NRXN3: variants seen among roughly 807,000 people sequenced by gnomAD.
NRXN3 encodes neurexin 3.
NRXN3 carries 32 observed loss-of-function variants against 137.6 expected under a neutral mutation model. That is an observed-to-expected ratio of 0.23 (90% CI 0.18 to 0.31). NRXN3 has a LOEUF of 0.31. Among genes scored for constraint, NRXN3 ranks in the 10% least tolerant of loss-of-function variants. The pLI is 1.00. For synonymous variants in NRXN3, 798 were observed against 784.5 expected (o/e 1.02, Z -0.29); for missense variants, 1,574 against 2,062.5 (o/e 0.76, Z 4.59).
At chr14:79,845,674 G>A (rs1009328721) in intron 20 of NRXN3, among the ~76,000 whole-genome samples, 4 of 139,394 alleles carry the variant, frequency 2.9e-5, no homozygotes, top group Admixed American at 2.8e-4. Flanking sequence ...GAGAGACGGA[G>A]ACGGGGAGAG....
At chr14:78,593,004 G>A (rs1031989668) in intron 4 of NRXN3, among the ~76,000 whole-genome samples, 2 of 152,154 alleles carry the variant, frequency 1.3e-5, no homozygotes, top group African/African-American at 2.4e-5. Flanking sequence ...TCATTTGTGC[G>A]CACAGGCACT....
intron 4 of NRXN3, among the ~76,000 whole-genome samples, chr14:78,385,676 C>T (rs145518015): frequency 5.4e-4 from 82 of 152,290 alleles, no homozygotes; most frequent in African/African-American, 1.8e-3. Context: ...TTTTGGATGA[C>T]GTTTGGCTTA....
At chr14:79,279,127 A>G (rs1453149993) in intron 15 of NRXN3, among the ~76,000 whole-genome samples, 2 of 152,048 alleles carry the variant, frequency 1.3e-5, no homozygotes, top group Non-Finnish European at 2.9e-5. Context: ...GGTGTCACAC[A>G]CGCGCGCACA....
chr14:78,846,885 CTG>C (rs1436113367), intron 10 of NRXN3, among the ~76,000 whole-genome samples: 2 of 152,108 alleles, frequency 1.3e-5, no homozygotes, highest in African/African-American at 4.8e-5. Flanking sequence ...CAGTGAAACA[CTG>C]TGCCTAGTTT....
chr14:79,866,569 G>C lies in NRXN3; in HGVS notation c.*4605G>C, dbSNP rs1037184622. On this transcript the variant is annotated 3_prime_UTR_variant, in exon 21 of 21. Coordinates refer to ENST00000335750, the MANE Select transcript of NRXN3 (RefSeq NM_001330195.2). ...ATGACAGACTGCAAAAAGTACATTG[G>C]AGGAAGATATGAGTAGGAAGGTTTT... is the stretch of plus-strand genomic sequence containing the variant. 6.6e-6 allele frequency: 1 copy of C among 152,202 alleles called. No individual in the cohort carries two copies. The highest frequency in any genetic ancestry group is 2.4e-5 in the African/African-American group (1 of 41,450). 9.4% of individuals were successfully genotyped at this position (152,202 alleles called of 1,614,324 possible).
chr14:78,898,641 T>G (rs187862553), intron 10 of NRXN3, among the ~76,000 whole-genome samples: 1 of 151,372 alleles, frequency 6.6e-6, no homozygotes, highest in Admixed American at 6.6e-5. Flanking sequence ...CATAGATTCA[T>G]AGTATTTTCC....
chr14:79,092,918 T>A (rs1412420870), intron 15 of NRXN3, among the ~76,000 whole-genome samples: 4 of 152,186 alleles, frequency 2.6e-5, no homozygotes, highest in African/African-American at 9.6e-5. Context: ...CTGAGGAGTC[T>A]AACCCTGAGT....
At chr14:78,492,595 T>A (rs2095689359) in intron 4 of NRXN3, among the ~76,000 whole-genome samples, 1 of 152,142 alleles carries the variant, frequency 6.6e-6, no homozygotes, top group South Asian at 2.1e-4. Flanking sequence ...TAAATGGGTG[T>A]TCACACACAC....
In NRXN3 at chr14:78,547,354, C is replaced by T. The variant is rs186944162; in HGVS notation, c.758-97766C>T. 1.6e-3 allele frequency among the ~76,000 whole-genome samples: 245 copies of T among 152,078 alleles called. 1 individual carries two copies. Among genetic ancestry groups the T allele is most frequent in the African/African-American group, 5.4e-3 (225 of 41,476 alleles). On this transcript the variant is annotated intron_variant, in intron 4 of 20. Transcript: ENST00000335750. Reference sequence around the variant, plus strand: ...CCAAGCAGCTGGGATTACAGGCGCCCGCTACCACATTTTTTTTGTATTTTT... The same window carrying T: ...CCAAGCAGCTGGGATTACAGGCGCCTGCTACCACATTTTTTTTGTATTTTT...
chr14:79,515,848 C>T (rs1457697276), intron 16 of NRXN3, among the ~76,000 whole-genome samples: 2 of 152,042 alleles, frequency 1.3e-5, no homozygotes, highest in African/African-American at 2.4e-5. Context: ...CAGTGTTTAG[C>T]GTGGCATAAA....
rs1396368960 is a variant in NRXN3 at position 78,845,327 on chromosome 14, CAAGTA to C, written c.2275+34987_2275+34991del. On this transcript the variant is annotated intron_variant, in intron 10 of 20. Coordinates refer to ENST00000335750, the MANE Select transcript of NRXN3 (RefSeq NM_001330195.2). ...TGAAATAACTCTCTGAGTTAGGAGA[CAAGTA>C]AAGAAATGTTGCCAACACTCATAGA... 2.6e-5 allele frequency among the ~76,000 whole-genome samples: 4 copies of C among 151,962 alleles called. No individual in the cohort carries two copies. The East Asian group carries it at 7.7e-4, about 29-fold the overall frequency.
chr14:79,323,321 C>T (rs1474362194), intron 15 of NRXN3, among the ~76,000 whole-genome samples: 1 of 152,162 alleles, frequency 6.6e-6, no homozygotes. Context: ...GCATTACAGG[C>T]ATGAGCCACC....
intron 2 of NRXN3, among the ~76,000 whole-genome samples, chr14:78,252,783 G>T (rs528849078): frequency 7.9e-5 from 12 of 152,342 alleles, no homozygotes; most frequent in Non-Finnish European, 1.6e-4. Flanking sequence ...AATAGAAAAA[G>T]TACAGTGAGA....
At chr14:78,426,284 T>G (rs1197867468) in intron 4 of NRXN3, among the ~76,000 whole-genome samples, 1 of 152,196 alleles carries the variant, frequency 6.6e-6, no homozygotes. Context: ...TGCTGTTGTT[T>G]CAGACACTTG....
At chr14:78,535,445 T>A (rs1267085565) in intron 4 of NRXN3, among the ~76,000 whole-genome samples, 1 of 152,242 alleles carries the variant, frequency 6.6e-6, no homozygotes, top group Non-Finnish European at 1.5e-5. Context: ...TAGAAAGACC[T>A]AATTTCTGGT....
chr14:78,580,337 T>A (rs2096980704), intron 4 of NRXN3, among the ~76,000 whole-genome samples: 1 of 152,126 alleles, frequency 6.6e-6, no homozygotes, highest in Admixed American at 6.5e-5. Flanking sequence ...TTCATGACTA[T>A]CCTCAACTTA....
intron 4 of NRXN3, among the ~76,000 whole-genome samples, chr14:78,532,329 A>T (rs968308207): frequency 6.6e-6 from 1 of 151,428 alleles, no homozygotes; most frequent in African/African-American, 2.4e-5. Context: ...CTCAAAAGAA[A>T]AAAAAAAAGA....
At chr14:78,393,123 AG>A (rs1195329501) in intron 4 of NRXN3, among the ~76,000 whole-genome samples, 2 of 152,144 alleles carry the variant, frequency 1.3e-5, no homozygotes, top group African/African-American at 4.8e-5. Flanking sequence ...AACGGGGGCA[AG>A]GGCCATTTTA....
At chr14:78,751,428 CT>C (rs35906068) in intron 8 of NRXN3, among the ~76,000 whole-genome samples, 8 of 151,878 alleles carry the variant, frequency 5.3e-5, no homozygotes, top group African/African-American at 1.5e-4. Flanking sequence ...GCTGCTAATT[CT>C]TTTTTTTCTC....
Sources: allele counts gnomAD v4.1 joint callset (sites outside exome capture counted in the v4.1 genomes callset), GRCh38; gene constraint gnomAD v4.1.1; transcripts MANE v1.5; gene names NCBI Gene and HGNC (gene_info 2026-07-23, HGNC 2026-07-21).